RAD51B: variants seen among roughly 807,000 people sequenced by gnomAD.
The protein encoded by RAD51B is DNA repair protein RAD51 homolog 2.
A neutral mutation model predicts 42.2 loss-of-function variants in RAD51B; 38 were observed. That is an observed-to-expected ratio of 0.90 (90% CI 0.70 to 1.18). The LOEUF (loss-of-function observed/expected upper bound fraction) is 1.18. Ranked by LOEUF, RAD51B falls within the 50% of genes most tolerant of loss-of-function variation. The pLI, the probability that RAD51B is intolerant of heterozygous loss-of-function variation, is 0.00. For missense variants in RAD51B, 373 were observed against 400.7 expected, an observed-to-expected ratio of 0.93 and a Z score of 0.59; for synonymous variants, 154 against 145.2, an observed-to-expected ratio of 1.06 and a Z score of -0.43.
intron 10 of RAD51B, among the ~76,000 whole-genome samples, chr14:68,491,164 G>T (rs771369053): frequency 6.6e-6 from 1 of 152,194 alleles, no homozygotes; most frequent in Non-Finnish European, 1.5e-5. Flanking sequence ...AGACCCTGAG[G>T]CCTGGAGCCC....
intron 10 of RAD51B, among the ~76,000 whole-genome samples, chr14:68,548,078 C>G (rs759375316): frequency 6.6e-6 from 1 of 152,202 alleles, no homozygotes; most frequent in Non-Finnish European, 1.5e-5. Context: ...GGGAGGGAGG[C>G]AGAGGAGGAA....
At chr14:68,126,353 A>C (rs1477578661) in intron 7 of RAD51B, among the ~76,000 whole-genome samples, 2 of 152,232 alleles carry the variant, frequency 1.3e-5, no homozygotes, top group African/African-American at 4.8e-5. Context: ...ATGCCAAAAA[A>C]AAGTCTCATA....
At chr14:67,927,118 A>G (rs1382587923) in intron 7 of RAD51B, among the ~76,000 whole-genome samples, 10 of 152,214 alleles carry the variant, frequency 6.6e-5, no homozygotes, top group Non-Finnish European at 1.5e-4. Flanking sequence ...AGGGTAGAAT[A>G]ATTCTTGAAT....
At chr14:67,951,854 A>G (rs1374660650) in intron 7 of RAD51B, among the ~76,000 whole-genome samples, 2 of 152,166 alleles carry the variant, frequency 1.3e-5, no homozygotes, top group Non-Finnish European at 2.9e-5. Context: ...CTTCTGCCTT[A>G]TTAGACTGAT....
At chr14:68,290,617 CTT>C (rs946749388) in intron 7 of RAD51B, among the ~76,000 whole-genome samples, 1 of 151,962 alleles carries the variant, frequency 6.6e-6, no homozygotes, top group Non-Finnish European at 1.5e-5. Flanking sequence ...CACAGTGAGA[CTT>C]TGGACTTTTT....
rs756255182 is a variant in RAD51B at position 68,345,659 on chromosome 14, CT to C, written c.853+53694del. Among the ~76,000 whole-genome samples, 1,146 of 141,934 alleles carry C rather than the reference CT, an allele frequency of 8.1e-3. 2 individuals are homozygous for C. The highest frequency in any genetic ancestry group is 0.014 in the East Asian group (67 of 4,922). The allele number at this position is 141,934 out of a possible 152,430, so 93.1% of individuals were successfully genotyped here. A position where few individuals can be genotyped will look rare whatever the true frequency, so the allele number is the denominator to read the frequency against. On this transcript the variant is annotated intron_variant, in intron 8 of 10. Transcript: ENST00000471583. ...TAAGCTCAGCGTCAGGTGTTTCTTT[CT>C]TTTTTTTTTTTTTTGAGACAGAGTA...
chr14:68,035,689 T>C (rs1201373664), intron 7 of RAD51B, among the ~76,000 whole-genome samples: 1 of 152,182 alleles, frequency 6.6e-6, no homozygotes, highest in Non-Finnish European at 1.5e-5. Context: ...CAGCAAGAAA[T>C]CTTGGCAGTT....
At chr14:68,542,182 G>A (rs1888003630) in intron 10 of RAD51B, among the ~76,000 whole-genome samples, 1 of 151,950 alleles carries the variant, frequency 6.6e-6, no homozygotes, top group Admixed American at 6.6e-5. Flanking sequence ...TGTCAGGGGA[G>A]TTCCATTTAT....
intron 8 of RAD51B, among the ~76,000 whole-genome samples, chr14:68,407,201 G>A: frequency 6.6e-6 from 1 of 151,912 alleles, no homozygotes; most frequent in Non-Finnish European, 1.5e-5. Context: ...AGTATATATA[G>A]TAAATACATC....
At chr14:68,655,296 T>G (rs1331646397) in intron 11 of RAD51B, among the ~76,000 whole-genome samples, 1 of 152,114 alleles carries the variant, frequency 6.6e-6, no homozygotes, top group East Asian at 1.9e-4. Flanking sequence ...CACGGCAGCC[T>G]GAGCAGGTTC....
intron 9 of RAD51B, chr14:68,422,172 C>G (rs765169902): frequency 2.4e-5 from 30 of 1,245,580 alleles, no homozygotes; most frequent in Non-Finnish European, 3.4e-5. Flanking sequence ...ACGGCAAATT[C>G]AAAGAACATG....
At chr14:68,352,935 G>A (rs2082820265) in intron 8 of RAD51B, among the ~76,000 whole-genome samples, 1 of 152,180 alleles carries the variant, frequency 6.6e-6, no homozygotes, top group Non-Finnish European at 1.5e-5. Context: ...TGGGAAAAGT[G>A]AGGCTGGTAC....
chr14:68,332,873 A>G (rs1167752438), intron 8 of RAD51B, among the ~76,000 whole-genome samples: 1 of 152,228 alleles, frequency 6.6e-6, no homozygotes, highest in African/African-American at 2.4e-5. Flanking sequence ...GTTTTTAGAG[A>G]GTCCAGACTT....
intron 10 of RAD51B, among the ~76,000 whole-genome samples, chr14:68,505,088 T>C (rs1441440292): frequency 6.6e-6 from 1 of 152,180 alleles, no homozygotes; most frequent in Non-Finnish European, 1.5e-5. Context: ...AGTTTGACAA[T>C]TGTTACAAGA....
In RAD51B at chr14:68,386,462, A is replaced by G. The variant is rs554124801; in HGVS notation, c.854-24962A>G. Among the ~76,000 whole-genome samples, 7 of 152,340 alleles carry G rather than the reference A, an allele frequency of 4.6e-5. No individual in the cohort carries two copies. In the South Asian group the frequency reaches 1.4e-3, roughly 32 times the overall value. ...GTCCTCTCTTTGCTGTAAGGCACCC[A>G]CTGAATATCTTACACCTCTCTGGAT... On this transcript the variant is annotated intron_variant, in intron 8 of 10. Coordinates refer to ENST00000471583, the MANE Select transcript of RAD51B (RefSeq NM_133510.4).
chr14:68,216,068 A>G (rs1015639434), intron 7 of RAD51B, among the ~76,000 whole-genome samples: 1 of 152,168 alleles, frequency 6.6e-6, no homozygotes, highest in Non-Finnish European at 1.5e-5. Context: ...TTCTGAACTA[A>G]TTTGGGGAAA....
exon 11 of RAD51B, chr14:68,595,582 G>A: frequency 9.4e-7 from 1 of 1,066,606 alleles, no homozygotes; most frequent in Non-Finnish European, 1.1e-6. Context: ...AGTGACTTAT[G>A]ACCAGAACAA....
chr14:68,129,998 G>C (rs1315698932), intron 7 of RAD51B: 4 of 152,226 alleles, frequency 2.6e-5, no homozygotes, highest in Non-Finnish European at 4.4e-5. Context: ...TAGAAATCCA[G>C]GACAGTATGG....
At chr14:67,913,524 G>A (rs1343259052) in intron 7 of RAD51B, among the ~76,000 whole-genome samples, 5 of 152,176 alleles carry the variant, frequency 3.3e-5, no homozygotes, top group African/African-American at 1.2e-4. Flanking sequence ...GATAAAACTT[G>A]TAGTGCCTTA....
Sources: allele counts gnomAD v4.1 joint callset (sites outside exome capture counted in the v4.1 genomes callset), GRCh38; gene constraint gnomAD v4.1.1; transcripts MANE v1.5; gene names NCBI Gene and HGNC (gene_info 2026-07-23, HGNC 2026-07-21).